P2RY10: variants seen among roughly 807,000 people sequenced by gnomAD.
P2RY10 encodes P2Y receptor family member 10, also known as putative P2Y purinoceptor 10.
A neutral mutation model predicts 12.1 loss-of-function variants in P2RY10; 4 were observed. The ratio of observed to expected loss-of-function variants is 0.33; its 90% CI spans 0.16 to 0.76. P2RY10 has a LOEUF of 0.76. Ranked by LOEUF, P2RY10 falls within the 30% of genes least tolerant of loss-of-function variation. The pLI is 0.61. For missense variants in P2RY10, 233 were observed against 264.6 expected, an observed-to-expected ratio of 0.88 and a Z score of 0.83; for synonymous variants, 112 against 94.1, an observed-to-expected ratio of 1.19 and a Z score of -1.10.
chrX:78,951,661 A>G (rs1368871274), intron 2 of P2RY10, among the ~76,000 whole-genome samples: 1 of 111,624 alleles, frequency 9.0e-6, no homozygotes, highest in Admixed American at 9.5e-5. Flanking sequence ...TAAAAAAGGA[A>G]TATGATGGAG....
At chrX:78,957,841 CT>C (rs1300265326) in intron 3 of P2RY10, among the ~76,000 whole-genome samples, 1 of 112,396 alleles carries the variant, frequency 8.9e-6, no homozygotes, top group Non-Finnish European at 1.9e-5. Context: ...CATAATTGGG[CT>C]CTGTTATTTA....
rs777857315 is a variant in P2RY10 at position 78,963,336 on chromosome X, C to A, written c.*1796C>A. On this transcript the variant is annotated 3_prime_UTR_variant, in exon 4 of 4. Transcript: ENST00000171757. ...AGTAATTAAACTGGTTTTCCTTGTA[C>A]TTTATTAATCTGAATCTAATGGCAC... 8.9e-6 allele frequency among the ~76,000 whole-genome samples: 1 copy of A among 112,415 alleles called. No individual in the cohort carries two copies. The highest frequency in any genetic ancestry group is 3.7e-4 in the South Asian group (1 of 2,726).
intron 2 of P2RY10, among the ~76,000 whole-genome samples, chrX:78,948,776 G>A (rs1003722656): frequency 8.9e-5 from 10 of 111,764 alleles, no homozygotes; most frequent in Non-Finnish European, 1.7e-4. Context: ...CTCCATCCAA[G>A]TTACTGCAAA....
In P2RY10 at chrX:78,960,968, G is replaced by C; in HGVS notation, c.448G>C (p.Val150Leu). 3 of 1,211,456 alleles carry C rather than the reference G, an allele frequency of 2.5e-6. No homozygotes were observed. The highest frequency in any genetic ancestry group is 3.4e-6 in the Non-Finnish European group (3 of 895,130). Residue 150 changes from valine to leucine, a missense_variant, in exon 4 of 4, where the codon GTG (valine) becomes CTG (leucine). Physicochemically the swap from Val to Leu is conservative, Grantham distance 32 (BLOSUM62 1). Coordinates refer to ENST00000171757, the MANE Select transcript of P2RY10 (RefSeq NM_014499.4). ...RARDWKRRYD[V>L]GISAAIWIVV... ...CAGAGACTGGAAGCGTAGGTACGAT[G>C]TGGGCATCAGTGCTGCCATCTGGAT...
At chrX:78,953,259 G>T (rs1602265472) in intron 3 of P2RY10, among the ~76,000 whole-genome samples, 1 of 111,879 alleles carries the variant, frequency 8.9e-6, no homozygotes, top group South Asian at 3.7e-4. Flanking sequence ...TAAGATGAGG[G>T]AGGATGCTAT....
chrX:78,948,973 T>C (rs866656987), intron 2 of P2RY10, among the ~76,000 whole-genome samples: 4 of 112,176 alleles, frequency 3.6e-5, no homozygotes, highest in African/African-American at 1.3e-4. Flanking sequence ...CTCCATACTG[T>C]TTTCTATAGA....
chrX:78,954,323 C>T (rs748970068), intron 3 of P2RY10, among the ~76,000 whole-genome samples: 1 of 111,500 alleles, frequency 9.0e-6, no homozygotes, highest in South Asian at 3.8e-4. Context: ...TTTTCCCTTT[C>T]ACTACCTTCC....
chrX:78,959,020 T>G (rs1355734523), intron 3 of P2RY10, among the ~76,000 whole-genome samples: 2 of 88,750 alleles, frequency 2.3e-5, no homozygotes, highest in Admixed American at 2.8e-4. Flanking sequence ...ACTTCTTTGC[T>G]TTTTGTAAAC....
At chrX:78,946,048 A>T (rs1376014655) in intron 1 of P2RY10, among the ~76,000 whole-genome samples, 1 of 111,559 alleles carries the variant, frequency 9.0e-6, no homozygotes, top group Non-Finnish European at 1.9e-5. Context: ...AGTCAGGAAA[A>T]CTGAGAGCCA....
rs777959616 is a variant in P2RY10 at position 78,958,685 on chromosome X, G to A, written c.-13-1823G>A. On this transcript the variant is annotated intron_variant, in intron 3 of 3. Transcript: ENST00000171757. ...CAGATTTTGGGATACATCCTTGATC[G>A]TCACCACATGATAATTATTTCCTGC... 1.1e-4 allele frequency among the ~76,000 whole-genome samples: 12 copies of A among 111,832 alleles called. No homozygotes were observed. The East Asian group carries it at 2.2e-3, about 21-fold the overall frequency.
Position 78,960,775 on chromosome X carries a change from A to G in P2RY10, c.255A>G (p.Leu85=), listed in dbSNP as rs1922573183. Residue 85 remains leucine (L), a synonymous_variant, in exon 4 of 4, where the codon TTA becomes TTG. Transcript: ENST00000171757. The part of the protein sequence containing the change: ...NLSVADLAHV[L]SLPLRIYYYI... ...CTGTGGCTGACCTTGCTCATGTATT[A>G]TCTTTACCCCTCCGGATTTACTATT... is the stretch of plus-strand genomic sequence containing the variant. 6.6e-6 allele frequency: 8 copies of G among 1,209,777 alleles called. No homozygotes were observed. Among genetic ancestry groups the G allele is most frequent in the African/African-American group, 1.8e-5 (1 of 57,094 alleles).
chrX:78,959,265 T>A (rs1922493039), intron 3 of P2RY10, among the ~76,000 whole-genome samples: 1 of 111,453 alleles, frequency 9.0e-6, no homozygotes. Flanking sequence ...GTCTCAGATC[T>A]TCCATTAATA....
chrX:78,953,307 G>A (rs905989512), intron 3 of P2RY10, among the ~76,000 whole-genome samples: 1 of 111,929 alleles, frequency 8.9e-6, no homozygotes, highest in Admixed American at 9.5e-5. Flanking sequence ...AGATATTGAA[G>A]GTTTCTGGAA....
intron 1 of P2RY10, among the ~76,000 whole-genome samples, chrX:78,946,799 G>T (rs1178501794): frequency 1.8e-5 from 2 of 112,041 alleles, no homozygotes; most frequent in Admixed American, 1.9e-4. Context: ...GTTTATTTTG[G>T]GGCTCAACTG....
At position 78,947,820 on chromosome X, in the gene P2RY10, G is replaced by A. The variant is rs1921915809; in HGVS notation, c.-200G>A. The A allele has an allele frequency of 4.3e-6, 3 of 695,831 alleles. No homozygotes were observed. The highest frequency in any genetic ancestry group is 5.1e-6 in the Non-Finnish European group (3 of 585,881). The allele number at this position is 695,831 out of a possible 1,213,427, so 57.3% of individuals were successfully genotyped here. On this transcript the variant is annotated 5_prime_UTR_variant, in exon 2 of 4. The change abolishes an upstream ATG in the 5' untranslated region. Transcript: ENST00000171757. Reference sequence around the variant, plus strand: ...TGCCATTATATTTCTTTCAGGTAATGTTATCATGACAGCTTCAACTTTTAG... The same window carrying A: ...TGCCATTATATTTCTTTCAGGTAATATTATCATGACAGCTTCAACTTTTAG...
intron 2 of P2RY10, among the ~76,000 whole-genome samples, chrX:78,949,619 G>T (rs1185108165): frequency 1.8e-5 from 2 of 112,139 alleles, no homozygotes; most frequent in Non-Finnish European, 3.8e-5. Context: ...ACATATTCCT[G>T]CATGAAAGTT....
chrX:78,959,656 TTTGCTAGTGCCCAAAGCA>T (rs1569245344), intron 3 of P2RY10, among the ~76,000 whole-genome samples: 1 of 111,681 alleles, frequency 9.0e-6, no homozygotes, highest in Non-Finnish European at 1.9e-5. Flanking sequence ...GTGGCCCTGT[TTTGCTAGTGCCCAAAGCA>T]TTGCTAGTGC....
In P2RY10 at chrX:78,960,569, A is replaced by G; in HGVS notation, c.49A>G (p.Ser17Gly). Residue 17 changes from serine to glycine, a missense_variant, in exon 4 of 4, where the codon AGT (serine) becomes GGT (glycine). By Grantham distance (56) the Ser-to-Gly change is moderately conservative. Coordinates refer to ENST00000171757, the MANE Select transcript of P2RY10 (RefSeq NM_014499.4). Reference protein sequence around the residue: ...YTETFKMGSNSTSTAEIYCNV... With the variant: ...YTETFKMGSNGTSTAEIYCNV... ...TGAAACATTCAAGATGGGTAGCAAC[A>G]GTACCAGCACTGCTGAGATTTACTG... The G allele has an allele frequency of 8.3e-7, 1 of 1,209,909 alleles. No homozygotes were observed. The highest frequency in any genetic ancestry group is 2.3e-4 in the Middle Eastern group (1 of 4,345).
chrX:78,953,511 A>G (rs915879877), intron 3 of P2RY10, among the ~76,000 whole-genome samples: 2 of 112,416 alleles, frequency 1.8e-5, no homozygotes, highest in Non-Finnish European at 3.8e-5. Context: ...GCTGCATATG[A>G]AGTTGCTTTG....
Sources: allele counts gnomAD v4.1 joint callset (sites outside exome capture counted in the v4.1 genomes callset), GRCh38; gene constraint gnomAD v4.1.1; transcripts MANE v1.5; gene names NCBI Gene and HGNC (gene_info 2026-07-23, HGNC 2026-07-21).